The following HERC3 variants were observed in gnomAD, a reference collection of about 807,000 sequenced individuals.
HERC3 encodes HECT and RLD domain containing E3 ubiquitin protein ligase 3, also known as probable E3 ubiquitin-protein ligase HERC3.
A neutral mutation model predicts 129.9 loss-of-function variants in HERC3; 58 were observed. The observed-to-expected ratio is 0.45, with a 90% CI of 0.36 to 0.56. The LOEUF (loss-of-function observed/expected upper bound fraction) is 0.56. Among genes scored for constraint, HERC3 ranks in the 20% least tolerant of loss-of-function variants. The pLI is 0.00. For missense variants in HERC3, 835 were observed against 1,244.2 expected, an observed-to-expected ratio of 0.67 and a Z score of 4.95; for synonymous variants, 430 against 451.0, an observed-to-expected ratio of 0.95 and a Z score of 0.59.
chr4:88,690,104 T>G, intron 23 of HERC3: 1 of 985,372 alleles, frequency 1.0e-6, no homozygotes, highest in Non-Finnish European at 1.2e-6. Flanking sequence ...AAACCTAATA[T>G]AGAGGCTAGT....
At chr4:88,597,594 CTTGGTATTG>C (rs1188672768) in intron 2 of HERC3, among the ~76,000 whole-genome samples, 2 of 152,158 alleles carry the variant, frequency 1.3e-5, no homozygotes, top group African/African-American at 2.4e-5. Flanking sequence ...ATATCCTTGA[CTTGGTATTG>C]TTAGACTTTT....
At chr4:88,563,975 T>A in the HERC3 span, among the ~76,000 whole-genome samples, 3 of 152,130 alleles carry the variant, frequency 2.0e-5, no homozygotes, top group Admixed American at 6.5e-5. Flanking sequence ...TATATCCAGT[T>A]TTTTTGAGGA....
rs182442062 is a variant in HERC3, at chr4:88,620,468, C to A, written c.226+14419C>A. Among the ~76,000 whole-genome samples the A allele has an allele frequency of 4.3e-4, 66 of 152,244 alleles. 1 individual carries two copies. The highest frequency in any genetic ancestry group is 1.5e-3 in the African/African-American group (62 of 41,536). On this transcript the variant is annotated intron_variant, in intron 3 of 25. Transcript: ENST00000402738. The stretch of plus-strand genomic sequence containing the variant: ...CATCCCTGATTTGTCTTGTCTTCTT[C>A]TCTCACATTCCACATCTAATTTTTC...
intron 23 of HERC3, chr4:88,693,489 C>A: frequency 1.0e-6 from 1 of 972,874 alleles, no homozygotes; most frequent in Non-Finnish European, 1.2e-6. Flanking sequence ...ATAGTCTACA[C>A]AGTATTGATC....
At chr4:88,634,651 T>G (rs1279628414) in intron 3 of HERC3, among the ~76,000 whole-genome samples, 1 of 142,866 alleles carries the variant, frequency 7.0e-6, no homozygotes, top group Non-Finnish European at 1.5e-5. Flanking sequence ...AAGTGCTTTG[T>G]TAAATGGGCC....
At chr4:88,529,450 C>A in the HERC3 span, among the ~76,000 whole-genome samples, 81 of 151,690 alleles carry the variant, frequency 5.3e-4, no homozygotes, top group Middle Eastern at 3.4e-3. Context: ...GAGCAAGACC[C>A]TGTCTCTAAA....
At chr4:88,702,490 T>A (rs943196372) in intron 23 of HERC3, among the ~76,000 whole-genome samples, 5 of 152,244 alleles carry the variant, frequency 3.3e-5, no homozygotes, top group Admixed American at 6.5e-5. Flanking sequence ...TTACTGAACA[T>A]GCAAATACTT....
chr4:88,550,139 A>C, the HERC3 span, among the ~76,000 whole-genome samples: 21,242 of 152,038 alleles, frequency 0.14, 1,767 homozygotes, highest in Admixed American at 0.23. Flanking sequence ...GAGAGAAATT[A>C]CCTGCTGTGA....
chr4:88,550,662 A>T, the HERC3 span, among the ~76,000 whole-genome samples: 1 of 151,886 alleles, frequency 6.6e-6, no homozygotes. Flanking sequence ...AGAACATTCC[A>T]TGCTCATGGG....
At chr4:88,699,320 C>CCCCA (rs1163006961) in intron 23 of HERC3, among the ~76,000 whole-genome samples, 4 of 60,856 alleles carry the variant, frequency 6.6e-5, no homozygotes, top group Non-Finnish European at 5.8e-5. Context: ...CCCTCTTCCT[C>CCCCA]CCCACCCACC....
At position 88,652,963 on chromosome 4, in the gene HERC3, C is replaced by T. The variant is rs1729455240; in HGVS notation, c.558C>T (p.Ser186=). Residue 186 remains serine (S), a synonymous_variant, in exon 6 of 26, where the codon TCC becomes TCT. Transcript: ENST00000402738. ...PSQASPQRVR[S]LEGIPLAQVA... ...AAGCCAGCCCACAGAGGGTGAGGTC[C>T]CTGGAGGGGATCCCACTGGCTCAGG... 1 of 1,614,052 alleles carries T rather than the reference C, an allele frequency of 6.2e-7. No individual in the cohort carries two copies. The highest frequency in any genetic ancestry group is 1.3e-5 in the African/African-American group (1 of 74,934).
chr4:88,665,074 A>T (rs577487878), intron 12 of HERC3, among the ~76,000 whole-genome samples: 27 of 152,276 alleles, frequency 1.8e-4, no homozygotes, highest in African/African-American at 6.3e-4. Context: ...CTGTGTGTGA[A>T]TCCCACCCCT....
chr4:88,691,807 A>G (rs1578330058), intron 23 of HERC3, among the ~76,000 whole-genome samples: 2 of 152,388 alleles, frequency 1.3e-5, no homozygotes, highest in South Asian at 4.1e-4. Flanking sequence ...AGTCATTAGC[A>G]GTCCTAAATT....
chr4:88,547,951 C>A, the HERC3 span, among the ~76,000 whole-genome samples: 1 of 152,198 alleles, frequency 6.6e-6, no homozygotes, highest in Non-Finnish European at 1.5e-5. Flanking sequence ...CCACTGTGCC[C>A]AGCCACATTT....
upstream of HERC3, among the ~76,000 whole-genome samples, chr4:88,590,227 C>T (rs531506259): frequency 6.6e-6 from 1 of 151,578 alleles, no homozygotes; most frequent in Non-Finnish European, 1.5e-5. Flanking sequence ...GAGATCGCGC[C>T]ACTGCACTCC....
the HERC3 span, among the ~76,000 whole-genome samples, chr4:88,530,270 A>G: frequency 1.3e-5 from 2 of 152,104 alleles, no homozygotes; most frequent in African/African-American, 2.4e-5. Flanking sequence ...AGCCTAGGTG[A>G]CAGAGTGAGA....
At chr4:88,662,617 T>A in intron 11 of HERC3, 62 bp downstream of exon 11, 1 of 1,536,360 alleles carries the variant, frequency 6.5e-7, no homozygotes, top group Non-Finnish European at 8.8e-7. Context: ...TTTAGCTTAG[T>A]GTGATTTTCC....
Position 88,652,931 on chromosome 4 carries a change from C to T in HERC3, c.526C>T (p.Pro176Ser). The change falls in exon 6 of 26, where the codon CCC (proline) becomes TCC (serine). Residue 176 changes from proline (P) to serine (S), a missense_variant. Coordinates refer to ENST00000402738, the MANE Select transcript of HERC3 (RefSeq NM_014606.3). ...GCAGCTTGGCTTAGGGAAGGAGTTC[C>T]CCTCCCAAGCCAGCCCACAGAGGGT... The part of the protein sequence containing the change: ...HGQLGLGKEF[P>S]SQASPQRVRS... 5 of 1,613,996 alleles carry T rather than the reference C, an allele frequency of 3.1e-6. No individual in the cohort carries two copies. The highest frequency in any genetic ancestry group is 1.1e-5 in the South Asian group (1 of 91,068).
At chr4:88,663,732 A>G (rs2924939) in intron 11 of HERC3, among the ~76,000 whole-genome samples, 5,768 of 152,302 alleles carry the variant, frequency 0.038, 315 homozygotes, top group East Asian at 0.27. Context: ...TCAGATATGC[A>G]GCAAAATAGA....
Sources: allele counts gnomAD v4.1 joint callset (sites outside exome capture counted in the v4.1 genomes callset), GRCh38; gene constraint gnomAD v4.1.1; transcripts MANE v1.5; gene names NCBI Gene and HGNC (gene_info 2026-07-23, HGNC 2026-07-21).